The following ANAPC11 variants were observed in gnomAD, a reference collection of about 807,000 sequenced individuals.
The protein encoded by ANAPC11 is anaphase-promoting complex subunit 11.
ANAPC11 carries 5 observed loss-of-function variants against 11.8 expected under a neutral mutation model. That is an observed-to-expected ratio of 0.42 (90% CI 0.22 to 0.89). The LOEUF (loss-of-function observed/expected upper bound fraction) is 0.89, where lower values mean the gene tolerates loss of function less well. Among genes scored for constraint, ANAPC11 ranks in the 40% least tolerant of loss-of-function variants. The pLI is 0.28. For synonymous variants in ANAPC11, 45 were observed against 41.0 expected (o/e 1.10, Z -0.38); for missense variants, 68 against 112.9 (o/e 0.60, Z 1.80).
At chr17:81,897,056 A>G (rs1216448824) in intron 3 of ANAPC11, among the ~76,000 whole-genome samples, 10 of 152,058 alleles carry the variant, frequency 6.6e-5, no homozygotes, top group Non-Finnish European at 4.4e-5. Context: ...GCTGGAGTGC[A>G]GTGGCACGAT....
chr17:81,899,071 G>A (rs143758680), intron 3 of ANAPC11: 72 of 706,180 alleles, frequency 1.0e-4, no homozygotes, highest in Middle Eastern at 4.0e-4. Context: ...CAGGAGGGTG[G>A]CCACGAGCTC....
chr17:81,899,239 C>T (rs1295496588), intron 3 of ANAPC11: 1 of 1,610,454 alleles, frequency 6.2e-7, no homozygotes, highest in South Asian at 1.1e-5. Flanking sequence ...CTCTCTGTGT[C>T]AGGTCCTCTC....
At chr17:81,893,843 C>T (rs191746676) in intron 2 of ANAPC11, among the ~76,000 whole-genome samples, 97 of 150,516 alleles carry the variant, frequency 6.4e-4, no homozygotes, top group African/African-American at 2.3e-3. Context: ...GCGATCCTCC[C>T]GAGTTGGCCT....
At chr17:81,891,649 C>A, upstream of ANAPC11, 4 of 1,286,028 alleles carry the variant, frequency 3.1e-6, no homozygotes, top group East Asian at 4.3e-5. Flanking sequence ...TCCGGTGCCA[C>A]GGCCTCGGAG....
Position 81,900,141 on chromosome 17 carries a change from G to T in ANAPC11, c.*76G>T. ...CTGGCGCCGATGGCTGCTGGGGACA[G>T]CGCCCCTGAGCTGCAACAAGGTGGA... is the stretch of plus-strand genomic sequence containing the variant. On this transcript the variant is annotated 3_prime_UTR_variant, in exon 4 of 4. Transcript: ENST00000344877. The T allele has an allele frequency of 6.3e-7, 1 of 1,582,454 alleles. No homozygotes were observed. The highest frequency in any genetic ancestry group is 8.6e-7 in the Non-Finnish European group (1 of 1,164,442).
chr17:81,897,120 C>CT (rs1304766690), intron 3 of ANAPC11, among the ~76,000 whole-genome samples: 1 of 152,236 alleles, frequency 6.6e-6, no homozygotes, highest in Non-Finnish European at 1.5e-5. Context: ...CCTGCCTCAG[C>CT]TTTCCGAATA....
intron 3 of ANAPC11, 28 bp downstream of exon 3, chr17:81,894,614 C>A: frequency 1.3e-6 from 2 of 1,521,110 alleles, no homozygotes; most frequent in Non-Finnish European, 1.8e-6. Flanking sequence ...GCTGTCTGAG[C>A]GGCCCCGACT....
chr17:81,894,021 G>A (rs2039646421), intron 2 of ANAPC11, among the ~76,000 whole-genome samples: 1 of 151,884 alleles, frequency 6.6e-6, no homozygotes, highest in African/African-American at 2.4e-5. Flanking sequence ...GTTCACGCCT[G>A]TAATCCCAGC....
chr17:81,891,642 G>A (rs2039533579), upstream of ANAPC11: 3 of 1,305,758 alleles, frequency 2.3e-6, no homozygotes, highest in Non-Finnish European at 2.9e-6. Flanking sequence ...GAGGCCTTCC[G>A]GTGCCACGGC....
upstream of ANAPC11, chr17:81,891,204 G>C (rs1192836143): frequency 1.9e-5 from 10 of 535,906 alleles, no homozygotes; most frequent in Non-Finnish European, 2.2e-5. Flanking sequence ...CCGGACCTCC[G>C]GGCGGCCGCT....
intron 1 of ANAPC11, among the ~76,000 whole-genome samples, chr17:81,892,625 C>T (rs1409315432): frequency 1.4e-5 from 2 of 145,440 alleles, no homozygotes; most frequent in East Asian, 4.3e-4. Context: ...TGGGTTCAAG[C>T]GAGTCTCCAG....
intron 2 of ANAPC11, chr17:81,894,246 CA>C (rs887967905): frequency 0.04 from 10,411 of 258,488 alleles, no homozygotes; most frequent in Middle Eastern, 0.07. Context: ...GACTCTGTCT[CA>C]AAAAAAAAAA....
At chr17:81,891,582 G>T (rs1052702910), upstream of ANAPC11, 5 of 1,427,400 alleles carry the variant, frequency 3.5e-6, no homozygotes, top group Non-Finnish European at 4.6e-6. Flanking sequence ...ATCGGGCATC[G>T]GCTCGAGCCC....
chr17:81,897,759 C>T (rs979105299), intron 3 of ANAPC11, among the ~76,000 whole-genome samples: 8 of 152,100 alleles, frequency 5.3e-5, no homozygotes, highest in Admixed American at 4.6e-4. Context: ...GCTGGGATTA[C>T]AGACGTGAGC....
intron 1 of ANAPC11, among the ~76,000 whole-genome samples, chr17:81,892,446 G>A (rs1202769082): frequency 6.6e-6 from 1 of 151,778 alleles, no homozygotes; most frequent in East Asian, 1.9e-4. Flanking sequence ...TCCAGCCTGG[G>A]CGACAGAGCC....
intron 3 of ANAPC11, among the ~76,000 whole-genome samples, chr17:81,897,908 G>T (rs1000701691): frequency 6.6e-6 from 1 of 152,162 alleles, no homozygotes; most frequent in African/African-American, 2.4e-5. Flanking sequence ...TAGGTGTGGC[G>T]CCTGGCCCGT....
chr17:81,897,949 T>A (rs1020406122), intron 3 of ANAPC11, among the ~76,000 whole-genome samples: 1 of 152,248 alleles, frequency 6.6e-6, no homozygotes, highest in Non-Finnish European at 1.5e-5. Flanking sequence ...GCTTAACTTT[T>A]ACATTGGCCC....
intron 3 of ANAPC11, chr17:81,898,993 A>G (rs2143575874): frequency 1.7e-6 from 1 of 579,078 alleles, no homozygotes; most frequent in East Asian, 2.9e-5. Context: ...TGCTGAGGCC[A>G]GAAACCCCCA....
At chr17:81,891,566 C>G (rs781464981), upstream of ANAPC11, 2 of 1,438,650 alleles carry the variant, frequency 1.4e-6, no homozygotes, top group Non-Finnish European at 9.1e-7. Flanking sequence ...CCATGGCGGG[C>G]GCGGAATCGG....
Sources: gnomAD v4.1 joint callset for allele counts (sites outside exome capture counted in the v4.1 genomes callset) on GRCh38, gnomAD v4.1.1 for gene constraint, MANE v1.5 for transcripts, NCBI Gene and HGNC (gene_info 2026-07-23, HGNC 2026-07-21) for gene names.